Variants in GPR141 observed in about 807,000 individuals in gnomAD.
GPR141 encodes probable G protein-coupled receptor 141.
In GPR141, 6 loss-of-function variants were observed where a neutral mutation model predicts 6.8. The observed-to-expected ratio is 0.88, with a 90% CI of 0.48 to 1.74. The LOEUF (loss-of-function observed/expected upper bound fraction) is 1.74. Ranked by LOEUF, GPR141 falls within the 40% of genes most tolerant of loss-of-function variation. The pLI is 0.01. For missense variants in GPR141, 372 were observed against 372.9 expected, an observed-to-expected ratio of 1.00 and a Z score of 0.02; for synonymous variants, 140 against 142.3, an observed-to-expected ratio of 0.98 and a Z score of 0.11.
At chr7:37,695,777 C>A (rs1583524818) in intron 2 of GPR141, among the ~76,000 whole-genome samples, 1 of 152,284 alleles carries the variant, frequency 6.6e-6, no homozygotes, top group East Asian at 1.9e-4. Context: ...TGTCACTCAG[C>A]TATACTTTCT....
chr7:37,693,614 C>G (rs1305970537), intron 2 of GPR141, among the ~76,000 whole-genome samples: 1 of 152,084 alleles, frequency 6.6e-6, no homozygotes, highest in Non-Finnish European at 1.5e-5. Context: ...GGCTTAGCAG[C>G]ATCCCAGACT....
At chr7:37,728,701 G>A (rs56102913) in intron 2 of GPR141, among the ~76,000 whole-genome samples, 1 of 151,922 alleles carries the variant, frequency 6.6e-6, no homozygotes, top group Non-Finnish European at 1.5e-5. Flanking sequence ...CAAGGGAATA[G>A]CCACCAGCCA....
rs548990174 is a variant in GPR141, at chr7:37,707,900, G to A, written c.-15+22317G>A. ...GCAATGCTACGACAGGGTTTTTCTC[G>A]GGAGGCAGATTTCTGCACAATGTGA... On this transcript the variant is annotated intron_variant, in intron 2 of 2. Coordinates refer to ENST00000334425, the MANE Select transcript of GPR141 (RefSeq NM_001381946.1). Among the ~76,000 whole-genome samples the A allele has an allele frequency of 1.8e-4, 27 of 152,188 alleles. No homozygotes were observed. The South Asian group carries it at 4.6e-3, about 26-fold the overall frequency.
intron 2 of GPR141, among the ~76,000 whole-genome samples, chr7:37,698,604 T>C (rs1810134393): frequency 6.6e-6 from 1 of 152,206 alleles, no homozygotes; most frequent in Non-Finnish European, 1.5e-5. Context: ...GGGACAACTT[T>C]ATGATTAGGT....
chr7:37,698,433 C>A (rs1810123596), intron 2 of GPR141, among the ~76,000 whole-genome samples: 1 of 152,292 alleles, frequency 6.6e-6, no homozygotes, highest in South Asian at 2.1e-4. Context: ...CCACGAGAAC[C>A]TGTGTGTAGG....
At chr7:37,693,867 G>A (rs1809895857) in intron 2 of GPR141, among the ~76,000 whole-genome samples, 2 of 152,178 alleles carry the variant, frequency 1.3e-5, no homozygotes. Context: ...AGGGTGTCAT[G>A]TCAGTTCAGC....
At chr7:37,686,634 G>C (rs1404034031) in intron 2 of GPR141, among the ~76,000 whole-genome samples, 1 of 152,146 alleles carries the variant, frequency 6.6e-6, no homozygotes, top group Non-Finnish European at 1.5e-5. Context: ...ATAAGTGAAT[G>C]AAATGATGAA....
intron 2 of GPR141, among the ~76,000 whole-genome samples, chr7:37,708,321 A>AAC (rs1810626313): frequency 3.3e-5 from 5 of 151,072 alleles, no homozygotes; most frequent in Non-Finnish European, 4.4e-5. Flanking sequence ...AAAAAAAAAA[A>AAC]AAAAAAAAAA....
At position 37,684,657 on chromosome 7, in the gene GPR141, C is replaced by G. The variant is rs556308352; in HGVS notation, c.-139+754C>G. 2.8e-4 allele frequency among the ~76,000 whole-genome samples: 42 copies of G among 152,180 alleles called. 1 individual carries two copies. Among genetic ancestry groups the G allele is most frequent in the Admixed American group, 2.4e-3 (37 of 15,286 alleles). On this transcript the variant is annotated intron_variant, in intron 1 of 2. Coordinates refer to ENST00000334425, the MANE Select transcript of GPR141 (RefSeq NM_001381946.1). The stretch of plus-strand genomic sequence containing the variant: ...AAACAATAAGTCAGTAATGCCTAAC[C>G]TGAATATAGGCATTTAATTTTGTTT...
At chr7:37,737,495 C>T (rs1448407633) in intron 2 of GPR141, among the ~76,000 whole-genome samples, 2 of 152,176 alleles carry the variant, frequency 1.3e-5, no homozygotes, top group East Asian at 3.9e-4. Context: ...ACTTGCGGCC[C>T]ATGGGCCACA....
intron 2 of GPR141, among the ~76,000 whole-genome samples, chr7:37,727,362 T>G (rs1811686670): frequency 6.6e-6 from 1 of 152,204 alleles, no homozygotes; most frequent in South Asian, 2.1e-4. Flanking sequence ...TCTCTTGACC[T>G]TTTTTGCTTC....
chr7:37,699,891 C>T (rs1810202974), intron 2 of GPR141, among the ~76,000 whole-genome samples: 1 of 152,154 alleles, frequency 6.6e-6, no homozygotes, highest in Admixed American at 6.5e-5. Flanking sequence ...GGCCTCATGC[C>T]ATTTGCTTTT....
intron 2 of GPR141, among the ~76,000 whole-genome samples, chr7:37,719,838 T>C (rs188832382): frequency 6.6e-6 from 1 of 152,204 alleles, no homozygotes. Flanking sequence ...GGAATGAGCT[T>C]ATTGGAAGAG....
At chr7:37,716,885 C>A (rs1314768525) in intron 2 of GPR141, among the ~76,000 whole-genome samples, 1 of 152,210 alleles carries the variant, frequency 6.6e-6, no homozygotes, top group Non-Finnish European at 1.5e-5. Flanking sequence ...AACTCAAATT[C>A]TTTGTTTCTA....
At chr7:37,716,383 A>G (rs994064557) in intron 2 of GPR141, among the ~76,000 whole-genome samples, 8 of 152,190 alleles carry the variant, frequency 5.3e-5, no homozygotes, top group Admixed American at 2.0e-4. Flanking sequence ...GAAAATTTTC[A>G]AAGGGGGTGA....
intron 2 of GPR141, among the ~76,000 whole-genome samples, chr7:37,690,341 TC>T (rs1361013203): frequency 6.6e-6 from 1 of 152,138 alleles, no homozygotes; most frequent in Non-Finnish European, 1.5e-5. Flanking sequence ...TGGGAGCAGA[TC>T]CCTCACGGCT....
intron 2 of GPR141, among the ~76,000 whole-genome samples, chr7:37,691,899 A>T (rs1321147128): frequency 6.6e-6 from 1 of 151,970 alleles, no homozygotes; most frequent in Non-Finnish European, 1.5e-5. Flanking sequence ...TCTAACGGGG[A>T]TTCCTTTAGA....
At chr7:37,718,521 AAGAAAGG>A (rs1811155323) in intron 2 of GPR141, among the ~76,000 whole-genome samples, 1 of 27,442 alleles carries the variant, frequency 3.6e-5, no homozygotes. Flanking sequence ...CGAAGGAAGG[AAGAAAGG>A]AAGGAAGGAA....
In GPR141 at chr7:37,743,172, AC is replaced by A. The variant is rs2131880098; in HGVS notation, c.*1862del. Among the ~76,000 whole-genome samples the A allele has an allele frequency of 6.6e-6, 1 of 151,766 alleles. No homozygotes were observed. The highest frequency in any genetic ancestry group is 2.1e-4 in the South Asian group (1 of 4,804). ...TAGAATAACAGAATGAATTAAGGGA[AC>A]TTTTTTTTTCATCAAGGTATATCTT... On this transcript the variant is annotated 3_prime_UTR_variant, in exon 3 of 3. Coordinates refer to ENST00000334425, the MANE Select transcript of GPR141 (RefSeq NM_001381946.1).
Sources: allele counts gnomAD v4.1 joint callset (sites outside exome capture counted in the v4.1 genomes callset), GRCh38; gene constraint gnomAD v4.1.1; transcripts MANE v1.5; gene names NCBI Gene and HGNC (gene_info 2026-07-23, HGNC 2026-07-21).